The following MCCC1 variants were observed in gnomAD, a reference collection of about 807,000 sequenced individuals.
MCCC1 encodes methylcrotonoyl-CoA carboxylase subunit alpha, mitochondrial.
A neutral mutation model predicts 83.8 loss-of-function variants in MCCC1; 64 were observed. That is an observed-to-expected ratio of 0.76 (90% confidence interval 0.62 to 0.94). The LOEUF is 0.94. Ranked by LOEUF, MCCC1 falls within the 40% of genes least tolerant of loss-of-function variation. MCCC1 has a pLI of 0.00. For synonymous variants in MCCC1, 322 were observed against 315.4 expected, an observed-to-expected ratio of 1.02 and a Z score of -0.22; for missense variants, 807 against 904.7, an observed-to-expected ratio of 0.89 and a Z score of 1.39.
intron 12 of MCCC1, among the ~76,000 whole-genome samples, chr3:183,038,606 T>C (rs948303030): frequency 1.3e-5 from 2 of 152,252 alleles, no homozygotes; most frequent in African/African-American, 4.8e-5. Context: ...ATAATTATTT[T>C]ACTTTAGAGA....
intron 14 of MCCC1, among the ~76,000 whole-genome samples, chr3:183,029,395 C>T (rs1036063758): frequency 6.6e-6 from 1 of 152,198 alleles, no homozygotes; most frequent in African/African-American, 2.4e-5. Flanking sequence ...TCATCTCCCT[C>T]TACCTTCTTC....
upstream of MCCC1, among the ~76,000 whole-genome samples, chr3:183,101,110 C>T (rs1465120106): frequency 6.6e-6 from 1 of 152,280 alleles, no homozygotes; most frequent in African/African-American, 2.4e-5. Context: ...CTCGATTTCT[C>T]GCCGGGCCTT....
chr3:183,066,849 G>A (rs145059421), intron 7 of MCCC1, among the ~76,000 whole-genome samples: 207 of 152,288 alleles, frequency 1.4e-3, no homozygotes, highest in African/African-American at 4.7e-3. Flanking sequence ...GTTCTTCAGA[G>A]TAAAGGAAAC....
chr3:183,084,924 G>A (rs1048485326), intron 4 of MCCC1, among the ~76,000 whole-genome samples: 6 of 152,182 alleles, frequency 3.9e-5, no homozygotes, highest in South Asian at 2.1e-4. Flanking sequence ...TGAGGACTAT[G>A]TACAAGCTCA....
intron 3 of MCCC1, chr3:183,090,970 G>C (rs1191793496): frequency 2.2e-6 from 1 of 456,606 alleles, no homozygotes; most frequent in South Asian, 1.5e-5. Flanking sequence ...ACATAACTAA[G>C]TCAGCAGATT....
At chr3:183,017,065 T>C (rs1711698244) in intron 18 of MCCC1, 2 of 594,586 alleles carry the variant, frequency 3.4e-6, no homozygotes, top group Non-Finnish European at 6.0e-6. Flanking sequence ...GAATCAGAAA[T>C]GACAGGTGCA....
At chr3:183,109,057 T>A (rs770394825) in intron 1 of MCCC1, among the ~76,000 whole-genome samples, 1 of 152,180 alleles carries the variant, frequency 6.6e-6, no homozygotes, top group African/African-American at 2.4e-5. Flanking sequence ...AGTGGCGCGA[T>A]CTCGGCTCAC....
chr3:183,075,773 C>T (rs913146476), intron 4 of MCCC1, among the ~76,000 whole-genome samples: 2 of 151,856 alleles, frequency 1.3e-5, no homozygotes, highest in Admixed American at 1.3e-4. Flanking sequence ...ATCTCCTGAC[C>T]GTGTGATCTG....
At chr3:183,044,836 G>A (rs767475777) in intron 10 of MCCC1, among the ~76,000 whole-genome samples, 13 of 152,064 alleles carry the variant, frequency 8.5e-5, no homozygotes, top group Non-Finnish European at 1.9e-4. Flanking sequence ...TAACCACCAA[G>A]AACTGAACCC....
intron 16 of MCCC1, among the ~76,000 whole-genome samples, chr3:183,020,932 C>T (rs1237802000): frequency 5.3e-5 from 8 of 151,792 alleles, no homozygotes; most frequent in East Asian, 2.0e-4. Context: ...TGGTGGCGGG[C>T]GCCTGCAGTC....
chr3:183,107,793 G>A (rs1033443842), intron 1 of MCCC1, among the ~76,000 whole-genome samples: 7 of 151,722 alleles, frequency 4.6e-5, no homozygotes, highest in African/African-American at 1.5e-4. Context: ...CAAGTGATCC[G>A]CCCGCCTCAG....
At chr3:183,047,514 T>A (rs1577287688) in intron 9 of MCCC1, among the ~76,000 whole-genome samples, 1 of 152,296 alleles carries the variant, frequency 6.6e-6, no homozygotes, top group East Asian at 1.9e-4. Context: ...ATGGCAGGAA[T>A]GTTAGAATTA....
chr3:183,018,591 G>A (rs1711886989), intron 17 of MCCC1, among the ~76,000 whole-genome samples: 1 of 152,202 alleles, frequency 6.6e-6, no homozygotes, highest in Non-Finnish European at 1.5e-5. Context: ...TTAGTCCCCT[G>A]TCCCCACCCA....
intron 7 of MCCC1, among the ~76,000 whole-genome samples, chr3:183,068,153 G>A (rs1716392659): frequency 6.6e-6 from 1 of 152,174 alleles, no homozygotes; most frequent in Admixed American, 6.5e-5. Context: ...TTGAACCAGA[G>A]CAACTCCCAT....
intron 10 of MCCC1, among the ~76,000 whole-genome samples, chr3:183,044,908 T>TGTTGTC (rs1239365781): frequency 6.6e-6 from 1 of 150,556 alleles, no homozygotes; most frequent in East Asian, 2.0e-4. Flanking sequence ...AAGACTGTTT[T>TGTTGTC]GTTGTTGTTG....
intron 9 of MCCC1, among the ~76,000 whole-genome samples, chr3:183,046,095 T>C (rs1714536370): frequency 1.3e-5 from 2 of 152,220 alleles, no homozygotes; most frequent in Admixed American, 6.5e-5. Context: ...CTGTAACTAT[T>C]TGAAGTGTAG....
intron 7 of MCCC1, among the ~76,000 whole-genome samples, chr3:183,057,681 G>A (rs1326699089): frequency 1.3e-5 from 2 of 152,068 alleles, no homozygotes; most frequent in African/African-American, 2.4e-5. Flanking sequence ...AGTTCAAGAT[G>A]AGCCTGGGCA....
chr3:183,055,541 A>G (rs930070148), intron 8 of MCCC1, among the ~76,000 whole-genome samples: 5 of 152,238 alleles, frequency 3.3e-5, no homozygotes, highest in Non-Finnish European at 7.3e-5. Context: ...ACTCAGCATA[A>G]TTACGTATCT....
chr3:183,090,198 T>C (rs1718215546), intron 3 of MCCC1, among the ~76,000 whole-genome samples: 1 of 152,072 alleles, frequency 6.6e-6, no homozygotes, highest in Non-Finnish European at 1.5e-5. Context: ...GAGAATGCCA[T>C]GAGAAGAATT....
Sources: allele counts gnomAD v4.1 joint callset (sites outside exome capture counted in the v4.1 genomes callset), GRCh38; gene constraint gnomAD v4.1.1; transcripts MANE v1.5; gene names NCBI Gene and HGNC (gene_info 2026-07-23, HGNC 2026-07-21).